PIP5K1C: variants seen among roughly 807,000 people sequenced by gnomAD.
PIP5K1C encodes phosphatidylinositol 4-phosphate 5-kinase type-1 gamma.
In PIP5K1C, 45 loss-of-function variants were observed where a neutral mutation model predicts 80.1. The ratio of observed to expected loss-of-function variants is 0.56; its 90% CI spans 0.44 to 0.72. The LOEUF (loss-of-function observed/expected upper bound fraction) is 0.72, where lower values mean the gene tolerates loss of function less well. PIP5K1C is among the 30% of genes least tolerant of loss of function. The pLI, the probability that PIP5K1C is intolerant of heterozygous loss-of-function variation, is 0.00. For synonymous variants in PIP5K1C, 498 were observed against 420.1 expected (o/e 1.19, Z -2.27); for missense variants, 753 against 954.6 (o/e 0.79, Z 2.78).
At chr19:3,690,600 A>T (rs2035918604) in intron 1 of PIP5K1C, among the ~76,000 whole-genome samples, 1 of 152,344 alleles carries the variant, frequency 6.6e-6, no homozygotes, top group South Asian at 2.1e-4. Flanking sequence ...ACACCAAACT[A>T]GGAAACCAGA....
At chr19:3,671,822 C>T (rs2035215141) in intron 1 of PIP5K1C, among the ~76,000 whole-genome samples, 1 of 152,238 alleles carries the variant, frequency 6.6e-6, no homozygotes, top group African/African-American at 2.4e-5. Flanking sequence ...ACAGAGCCTG[C>T]CGTGACCCCC....
intron 11 of PIP5K1C, among the ~76,000 whole-genome samples, chr19:3,645,323 G>T (rs2034167455): frequency 6.6e-6 from 1 of 152,240 alleles, no homozygotes; most frequent in Non-Finnish European, 1.5e-5. Context: ...ACAGACCCCA[G>T]GGGGGAATCC....
chr19:3,671,867 C>T (rs2145532497), intron 1 of PIP5K1C, among the ~76,000 whole-genome samples: 1 of 152,368 alleles, frequency 6.6e-6, no homozygotes, highest in Admixed American at 6.5e-5. Context: ...CTCTGCTCAG[C>T]CTGAGACGTG....
intron 1 of PIP5K1C, among the ~76,000 whole-genome samples, chr19:3,671,126 C>G (rs1040683716): frequency 6.6e-6 from 1 of 152,192 alleles, no homozygotes; most frequent in Non-Finnish European, 1.5e-5. Context: ...TCATCGGGGG[C>G]CCGGGCGTCC....
chr19:3,648,606 T>C lies in PIP5K1C; in HGVS notation c.1211+19A>G, dbSNP rs1233205760. ...GACCCGGGGCGTCCACCTGTAGGAC[T>C]GCAGACCCGGGCACCCACCTGTAGG... is the stretch of plus-strand genomic sequence containing the variant. On this transcript the variant is annotated intron_variant, in intron 9 of 17. Coordinates refer to ENST00000335312, the MANE Select transcript of PIP5K1C (RefSeq NM_012398.3). This position sits in a 1 kb window ranked among gnomAD's most constrained non-coding sequence, Gnocchi z 4.3. The C allele has an allele frequency of 1.2e-6, 2 of 1,609,154 alleles. No homozygotes were observed. Among genetic ancestry groups the C allele is most frequent in the Non-Finnish European group, 1.7e-6 (2 of 1,176,818 alleles).
chr19:3,700,424 G>T lies in PIP5K1C; in HGVS notation c.-34C>A. ...GCGGACGGCGGCGGGGGCGCCCGAG[G>T]GGGACCCGAGCTGCGACCGCCGCCG... On this transcript the variant is annotated 5_prime_UTR_variant, in exon 1 of 18. Coordinates refer to ENST00000335312, the MANE Select transcript of PIP5K1C (RefSeq NM_012398.3). 4 of 1,051,130 alleles carry T rather than the reference G, an allele frequency of 3.8e-6. No homozygotes were observed. The highest frequency in any genetic ancestry group is 4.6e-6 in the Non-Finnish European group (4 of 870,770). The allele number at this position is 1,051,130 out of a possible 1,614,324, so 65.1% of individuals were successfully genotyped here. A position where few individuals can be genotyped will look rare whatever the true frequency, so the allele number is the denominator to read the frequency against.
At chr19:3,682,549 C>T (rs943865888) in intron 1 of PIP5K1C, among the ~76,000 whole-genome samples, 7 of 151,772 alleles carry the variant, frequency 4.6e-5, no homozygotes, top group African/African-American at 1.5e-4. Context: ...AATTATCTGG[C>T]GTGGTGACGT....
At chr19:3,656,898 A>G (rs1380523831) in intron 5 of PIP5K1C, among the ~76,000 whole-genome samples, 1 of 152,228 alleles carries the variant, frequency 6.6e-6, no homozygotes, top group African/African-American at 2.4e-5. Flanking sequence ...GTGGGGCCAC[A>G]ACGCCAGCTC....
At chr19:3,697,115 C>T (rs930399292) in intron 1 of PIP5K1C, among the ~76,000 whole-genome samples, 3 of 144,864 alleles carry the variant, frequency 2.1e-5, no homozygotes, top group Admixed American at 6.8e-5. Context: ...CAAGGAGGAC[C>T]GAGCCAGACG....
rs761601779 is a variant in PIP5K1C, at chr19:3,664,885, A to T, written c.156T>A (p.Pro52=). 1.2e-6 allele frequency: 2 copies of T among 1,613,182 alleles called. No individual in the cohort carries two copies. The highest frequency in any genetic ancestry group is 8.5e-7 in the Non-Finnish European group (1 of 1,179,958). The change falls in exon 3 of 18, where the codon CCT becomes CCA. Residue 52 remains proline (P), a synonymous_variant. Coordinates refer to ENST00000335312, the MANE Select transcript of PIP5K1C (RefSeq NM_012398.3). ...EVLSMTAQPG[P]GHGKKLGHRG... Reference sequence around the variant, plus strand: ...GATGGCCCAACTTCTTCCCATGGCCAGGGCCCGGCTGTGCCGTCATGGACA... The same window carrying T: ...GATGGCCCAACTTCTTCCCATGGCCTGGGCCCGGCTGTGCCGTCATGGACA...
chr19:3,644,368 T>A, intron 11 of PIP5K1C, 117 bp from the exon 12 acceptor site: 1 of 1,028,072 alleles, frequency 9.7e-7, no homozygotes, highest in Non-Finnish European at 1.4e-6. Context: ...CCCCTACCGG[T>A]CCCTGAGGCC....
chr19:3,648,781 C>T lies in PIP5K1C; in HGVS notation c.1128-73G>A. The T allele has an allele frequency of 7.5e-7, 1 of 1,334,106 alleles. No individual in the cohort carries two copies. Among genetic ancestry groups the T allele is most frequent in the African/African-American group, 1.4e-5 (1 of 69,558 alleles). The allele number at this position is 1,334,106 out of a possible 1,614,324, so 82.6% of individuals were successfully genotyped here. A position where few individuals can be genotyped will look rare whatever the true frequency, so the allele number is the denominator to read the frequency against. ...CTCGGGGCAGGCGGGGCTGGGGACTCCAGGGCTAGGGAGTCCATCTGCTCC... is the reference window on the plus strand; with the variant it reads ...CTCGGGGCAGGCGGGGCTGGGGACTTCAGGGCTAGGGAGTCCATCTGCTCC... On this transcript the variant is annotated intron_variant, in intron 8 of 17. Transcript: ENST00000335312. This position sits in a 1 kb window ranked among gnomAD's most constrained non-coding sequence, Gnocchi z 4.3.
chr19:3,658,582 G>A (rs1026770215), intron 5 of PIP5K1C, among the ~76,000 whole-genome samples: 3 of 152,212 alleles, frequency 2.0e-5, no homozygotes, highest in African/African-American at 7.2e-5. Context: ...TCCCTGGGAG[G>A]CCAGGGGACC....
chr19:3,686,928 C>T (rs1320845723), intron 1 of PIP5K1C, among the ~76,000 whole-genome samples: 1 of 151,816 alleles, frequency 6.6e-6, no homozygotes, highest in Non-Finnish European at 1.5e-5. Context: ...TGCAGTGGCT[C>T]ACACCGGTAA....
At chr19:3,693,359 G>A (rs2036000715) in intron 1 of PIP5K1C, among the ~76,000 whole-genome samples, 1 of 152,058 alleles carries the variant, frequency 6.6e-6, no homozygotes, top group Non-Finnish European at 1.5e-5. Context: ...AGGCACCTGG[G>A]GGCCCTCATG....
rs1403269303 is a variant in PIP5K1C, at chr19:3,651,733, CCCTG to C, written c.1127+89_1127+92del. ...ACCCACGCATGCCCTCGCCAGCCCT[CCCTG>C]CCTGTTTTCACACTTGGGACGGGGA... is the stretch of plus-strand genomic sequence containing the variant. On this transcript the variant is annotated intron_variant, in intron 8 of 17. Transcript: ENST00000335312. 2.5e-5 allele frequency: 32 copies of C among 1,297,568 alleles called. 2 individuals are homozygous for C. The South Asian group carries it at 3.1e-4, about 13-fold the overall frequency. 80.4% of individuals were successfully genotyped at this position (1,297,568 alleles called of 1,614,324 possible).
Position 3,647,471 on chromosome 19 carries a change from C to T in PIP5K1C, c.1212-85G>A, listed in dbSNP as rs950890380. ...CACTCAGGGGCCACTGTGCACCCCC[C>T]AGGACACTGGGCCATGGCCTCAAGC... is the stretch of plus-strand genomic sequence containing the variant. On this transcript the variant is annotated intron_variant, in intron 9 of 17. Transcript: ENST00000335312. 6 of 1,165,890 alleles carry T rather than the reference C, an allele frequency of 5.1e-6. No homozygotes were observed. In the African/African-American group the frequency reaches 7.6e-5, roughly 15 times the overall value. The allele number at this position is 1,165,890 out of a possible 1,614,324, so 72.2% of individuals were successfully genotyped here.
At chr19:3,700,228 C>G in intron 1 of PIP5K1C, 69 bp downstream of exon 1, 1 of 923,238 alleles carries the variant, frequency 1.1e-6, no homozygotes, top group Non-Finnish European at 1.3e-6. Context: ...GCCCCGGCCC[C>G]GCAGCCCCGC....
chr19:3,637,828 GAC>G lies in PIP5K1C; in HGVS notation c.1920+1054_1920+1055del, dbSNP rs1381816768. ...TGCTGCCCACCTGGCAGGGCATCAG[GAC>G]ACAGACACACAGCACGACATGGCCC... is the stretch of plus-strand genomic sequence containing the variant. On this transcript the variant is annotated intron_variant, in intron 16 of 17. Coordinates refer to ENST00000335312, the MANE Select transcript of PIP5K1C (RefSeq NM_012398.3). This position sits in a 1 kb window ranked among gnomAD's most constrained non-coding sequence, Gnocchi z 7.0. The G allele has an allele frequency of 3.3e-6, 5 of 1,535,288 alleles. No individual in the cohort carries two copies. In the South Asian group the frequency reaches 5.9e-5, roughly 18 times the overall value.
Sources: allele counts gnomAD v4.1 joint callset (sites outside exome capture counted in the v4.1 genomes callset), GRCh38; gene constraint gnomAD v4.1.1; non-coding constraint Gnocchi (gnomAD v3.1); transcripts MANE v1.5; gene names NCBI Gene and HGNC (gene_info 2026-07-23, HGNC 2026-07-21).